KCNMA1: variants seen among roughly 807,000 people sequenced by gnomAD.
The protein encoded by KCNMA1 is Calcium-activated potassium channel subunit alpha-1.
Under a neutral mutation model 140.0 loss-of-function variants are expected in KCNMA1, and 29 were observed. The ratio of observed to expected loss-of-function variants is 0.21; its 90% confidence interval spans 0.15 to 0.28. The LOEUF (loss-of-function observed/expected upper bound fraction) is 0.28. Ranked by LOEUF, KCNMA1 falls within the 10% of genes least tolerant of loss-of-function variation. The pLI, the probability that KCNMA1 is intolerant of heterozygous loss-of-function variation, is 1.00. For missense variants in KCNMA1, 880 were observed against 1,602.2 expected (o/e 0.55, Z 7.70); for synonymous variants, 612 against 611.9 (o/e 1.00, Z 0.00).
chr10:77,302,025 C>T (rs190573606), intron 2 of KCNMA1, among the ~76,000 whole-genome samples: 11 of 152,064 alleles, frequency 7.2e-5, no homozygotes, highest in East Asian at 5.8e-4. Context: ...ATTAGGGGTG[C>T]GCCATGTCCT....
chr10:77,518,542 C>T (rs767139991), intron 1 of KCNMA1, among the ~76,000 whole-genome samples: 2 of 152,132 alleles, frequency 1.3e-5, no homozygotes, highest in African/African-American at 2.4e-5. Context: ...TCTAGGAGCA[C>T]GTGTTAGTAC....
At chr10:77,566,736 C>T (rs570758524) in intron 1 of KCNMA1, among the ~76,000 whole-genome samples, 121 of 152,232 alleles carry the variant, frequency 7.9e-4, no homozygotes, top group African/African-American at 2.6e-3. Flanking sequence ...AGAGTTGTTC[C>T]GGGTGGAGGC....
At chr10:76,872,353 A>T (rs553400047), downstream of KCNMA1, 14 of 152,338 alleles carry the variant, frequency 9.2e-5, no homozygotes, top group South Asian at 2.9e-3. Context: ...GCTGCTGAGA[A>T]AATGTTCAGT....
Position 77,108,552 on chromosome 10 carries a change from G to T in KCNMA1, c.1152C>A (p.Val384=). The T allele has an allele frequency of 1.2e-6, 2 of 1,613,632 alleles. No individual in the cohort carries two copies. Among genetic ancestry groups the T allele is most frequent in the Non-Finnish European group, 1.7e-6 (2 of 1,179,838 alleles). ...LGGLAMFASY[V]PEIIELIGNR... ...TTCCTATTAACTCTATGATTTCAGG[G>T]ACGTAGCTGGCAAACATGGCCTGAG... The change falls in exon 9 of 28, where the codon GTC becomes GTA. Residue 384 remains valine, a synonymous_variant. Coordinates refer to ENST00000286628, the MANE Select transcript of KCNMA1 (RefSeq NM_001161352.2). This position sits in a 1 kb window ranked among gnomAD's most constrained non-coding sequence, Gnocchi z 4.6.
chr10:76,947,171 C>G (rs1433356105), intron 22 of KCNMA1, among the ~76,000 whole-genome samples: 3 of 109,644 alleles, frequency 2.7e-5, no homozygotes, highest in Non-Finnish European at 4.0e-5. Context: ...CCTGTCTCTA[C>G]TGAAAATACA....
At chr10:76,953,483 T>C (rs538052109) in intron 21 of KCNMA1, among the ~76,000 whole-genome samples, 1 of 152,288 alleles carries the variant, frequency 6.6e-6, no homozygotes, top group South Asian at 2.1e-4. Flanking sequence ...CAGCTAATAA[T>C]TGGTACAGGC....
At chr10:77,475,202 C>T (rs2154529769) in intron 1 of KCNMA1, among the ~76,000 whole-genome samples, 1 of 152,320 alleles carries the variant, frequency 6.6e-6, no homozygotes, top group Middle Eastern at 3.4e-3. Context: ...GCCAAGCATG[C>T]TCACCATTAC....
intron 20 of KCNMA1, among the ~76,000 whole-genome samples, chr10:76,965,274 G>A (rs140470104): frequency 3.0e-4 from 45 of 152,274 alleles, no homozygotes; most frequent in African/African-American, 9.9e-4. Context: ...CAGGAATTAC[G>A]TGTGTCCTTG....
chr10:77,011,995 T>C lies in KCNMA1; in HGVS notation c.2064A>G (p.Lys688=). Residue 688 remains lysine (K), a synonymous_variant, in exon 18 of 28, where the codon AAA becomes AAG. Transcript: ENST00000286628. ...KACHDDITDP[K]RIKKCGCKRP... is the part of the protein sequence containing the mutation. ...GTTTGCAGCCACATTTTTTTATTCTTTTGGGATCTGTGATGTCATCATGAC... is the reference window on the plus strand; with the variant it reads ...GTTTGCAGCCACATTTTTTTATTCTCTTGGGATCTGTGATGTCATCATGAC... 2 of 1,613,892 alleles carry C rather than the reference T, an allele frequency of 1.2e-6. No individual in the cohort carries two copies. The highest frequency in any genetic ancestry group is 1.7e-6 in the Non-Finnish European group (2 of 1,179,896).
At chr10:77,392,757 CA>C (rs1299360556) in intron 2 of KCNMA1, among the ~76,000 whole-genome samples, 2 of 152,200 alleles carry the variant, frequency 1.3e-5, no homozygotes, top group Non-Finnish European at 2.9e-5. Flanking sequence ...CATCTCCTTT[CA>C]ATGAATGTGT....
chr10:77,061,766 T>A (rs370216024), intron 14 of KCNMA1, among the ~76,000 whole-genome samples: 1 of 152,248 alleles, frequency 6.6e-6, no homozygotes, highest in Non-Finnish European at 1.5e-5. Flanking sequence ...TGGTGTCCAA[T>A]GGATGAATGG....
chr10:77,108,627 G>A lies in KCNMA1; in HGVS notation c.1132-55C>T. 5.2e-6 allele frequency: 7 copies of A among 1,356,820 alleles called. No homozygotes were observed. The highest frequency in any genetic ancestry group is 7.4e-6 in the Non-Finnish European group (7 of 950,992). The allele number at this position is 1,356,820 out of a possible 1,614,324, so 84.0% of individuals were successfully genotyped here. Reference sequence around the variant, plus strand: ...AAAAAGACAGGCCAAAGAAAAGGGGGGACCTGTTCAGAGGGTGGGGGCACT... The same window carrying A: ...AAAAAGACAGGCCAAAGAAAAGGGGAGACCTGTTCAGAGGGTGGGGGCACT... On this transcript the variant is annotated intron_variant, in intron 8 of 27. Coordinates refer to ENST00000286628, the MANE Select transcript of KCNMA1 (RefSeq NM_001161352.2). The surrounding 1 kb of genome is among the most constrained non-coding windows in gnomAD (Gnocchi z 4.6).
chr10:77,619,951 C>T (rs541439504), intron 1 of KCNMA1, among the ~76,000 whole-genome samples: 132 of 152,286 alleles, frequency 8.7e-4, no homozygotes, highest in African/African-American at 3.0e-3. Context: ...TCACTGGGGC[C>T]ACCCCCAGCC....
At chr10:77,414,530 C>T (rs1281774856) in intron 1 of KCNMA1, among the ~76,000 whole-genome samples, 1 of 152,006 alleles carries the variant, frequency 6.6e-6, no homozygotes, top group Non-Finnish European at 1.5e-5. Flanking sequence ...CTCACTCTGT[C>T]GCCCAGGATG....
At chr10:77,123,877 G>C (rs1379067438) in intron 5 of KCNMA1, among the ~76,000 whole-genome samples, 1 of 152,118 alleles carries the variant, frequency 6.6e-6, no homozygotes, top group Admixed American at 6.5e-5. Flanking sequence ...GCAAGACATC[G>C]GTCTGCCCAC....
chr10:77,555,322 A>G (rs1265914882), intron 1 of KCNMA1, among the ~76,000 whole-genome samples: 1 of 152,210 alleles, frequency 6.6e-6, no homozygotes, highest in Non-Finnish European at 1.5e-5. Context: ...CCATGGATCA[A>G]GGGTCATTTC....
chr10:77,182,357 A>G (rs1285018582), intron 5 of KCNMA1, among the ~76,000 whole-genome samples: 2 of 152,240 alleles, frequency 1.3e-5, no homozygotes, highest in Non-Finnish European at 2.9e-5. Context: ...AAAATGAGTT[A>G]TCACAGAGCT....
At chr10:77,073,372 T>C in intron 13 of KCNMA1, 120 bp from the exon 14 acceptor site, 1 of 991,138 alleles carries the variant, frequency 1.0e-6, no homozygotes, top group Non-Finnish European at 1.6e-6. Flanking sequence ...GCCCTTCTTT[T>C]CCCTTGCTGC....
intron 2 of KCNMA1, chr10:77,373,009 C>G (rs1301958529): frequency 6.6e-6 from 1 of 152,220 alleles, no homozygotes; most frequent in Non-Finnish European, 1.5e-5. Flanking sequence ...TGTGAAGTTA[C>G]ACATTAATGT....
Sources: gnomAD v4.1 joint callset for allele counts (sites outside exome capture counted in the v4.1 genomes callset) on GRCh38, gnomAD v4.1.1 for gene constraint, Gnocchi (gnomAD v3.1) non-coding constraint, MANE v1.5 for transcripts, NCBI Gene and HGNC (gene_info 2026-07-23, HGNC 2026-07-21) for gene names.